The following FGGY variants were observed in gnomAD, a reference collection of about 807,000 sequenced individuals.
The protein encoded by FGGY is FGGY carbohydrate kinase domain-containing protein.
FGGY carries 72 observed loss-of-function variants against 71.3 expected under a neutral mutation model. The ratio of observed to expected loss-of-function variants is 1.01; its 90% CI spans 0.84 to 1.23. FGGY has a LOEUF of 1.23. Ranked by LOEUF, FGGY falls within the 50% of genes most tolerant of loss-of-function variation. The pLI is 0.00. For missense variants in FGGY, 668 were observed against 682.3 expected, an observed-to-expected ratio of 0.98 and a Z score of 0.23; for synonymous variants, 251 against 250.3, an observed-to-expected ratio of 1.00 and a Z score of -0.02.
chr1:59,391,912 C>T (rs1310898882), intron 5 of FGGY, among the ~76,000 whole-genome samples: 1 of 152,170 alleles, frequency 6.6e-6, no homozygotes, highest in African/African-American at 2.4e-5. Context: ...AGATATGATA[C>T]TATATTCTCT....
At chr1:59,568,494 C>T (rs1239047965) in intron 8 of FGGY, among the ~76,000 whole-genome samples, 7 of 151,790 alleles carry the variant, frequency 4.6e-5, no homozygotes, top group Admixed American at 3.9e-4. Context: ...GTATTACATC[C>T]CCCCAGTGTT....
chr1:59,603,168 A>G (rs185934385), intron 8 of FGGY, among the ~76,000 whole-genome samples: 1 of 152,328 alleles, frequency 6.6e-6, no homozygotes, highest in East Asian at 1.9e-4. Context: ...TTTAAGTGTA[A>G]GTTTTTAACT....
At chr1:59,738,557 T>A (rs1458383430) in intron 14 of FGGY, among the ~76,000 whole-genome samples, 1 of 152,136 alleles carries the variant, frequency 6.6e-6, no homozygotes, top group Admixed American at 6.5e-5. Context: ...AAAACAAAAC[T>A]AGAATAATCA....
At chr1:59,614,607 C>T (rs541951560) in intron 9 of FGGY, among the ~76,000 whole-genome samples, 2 of 152,272 alleles carry the variant, frequency 1.3e-5, no homozygotes, top group African/African-American at 4.8e-5. Context: ...GATGCCCTCT[C>T]TCACCACTGC....
chr1:59,694,182 G>C (rs546390571), intron 14 of FGGY, among the ~76,000 whole-genome samples: 1 of 151,468 alleles, frequency 6.6e-6, no homozygotes, highest in Non-Finnish European at 1.5e-5. Flanking sequence ...CCAGCTACTC[G>C]GGAGGCTGAG....
intron 4 of FGGY, among the ~76,000 whole-genome samples, chr1:59,364,237 C>G (rs2056170533): frequency 6.6e-6 from 1 of 152,186 alleles, no homozygotes. Flanking sequence ...TGGTGCTGCA[C>G]TGACCTGGGA....
At chr1:59,703,793 C>A (rs555596118) in intron 14 of FGGY, among the ~76,000 whole-genome samples, 1 of 152,276 alleles carries the variant, frequency 6.6e-6, no homozygotes, top group Non-Finnish European at 1.5e-5. Flanking sequence ...TTGCTTTCCC[C>A]TGAACACATA....
chr1:59,583,987 G>A (rs1558432754), intron 8 of FGGY, among the ~76,000 whole-genome samples: 1 of 115,468 alleles, frequency 8.7e-6, no homozygotes, highest in Non-Finnish European at 1.8e-5. Flanking sequence ...TACTCAGGTG[G>A]TTTAAAAGAC....
At chr1:59,657,251 A>G (rs528969839) in intron 11 of FGGY, among the ~76,000 whole-genome samples, 2 of 152,230 alleles carry the variant, frequency 1.3e-5, no homozygotes, top group Non-Finnish European at 2.9e-5. Flanking sequence ...CCCAACAAAA[A>G]TCATCCAAAT....
At chr1:59,758,992 A>C (rs2098318960) in intron 15 of FGGY, among the ~76,000 whole-genome samples, 1 of 152,158 alleles carries the variant, frequency 6.6e-6, no homozygotes, top group Admixed American at 6.5e-5. Context: ...CAGGGTAGAA[A>C]TAGAGGGTCC....
At chr1:59,552,619 C>T (rs964229567) in intron 7 of FGGY, among the ~76,000 whole-genome samples, 2 of 152,122 alleles carry the variant, frequency 1.3e-5, no homozygotes, top group African/African-American at 4.8e-5. Flanking sequence ...ACATTCCCAC[C>T]CTGCCGTTTA....
chr1:59,491,494 T>C (rs2093861645), intron 6 of FGGY, among the ~76,000 whole-genome samples: 1 of 152,046 alleles, frequency 6.6e-6, no homozygotes, highest in African/African-American at 2.4e-5. Flanking sequence ...GCCTTCTTGC[T>C]TTGTTTTTCA....
intron 10 of FGGY, among the ~76,000 whole-genome samples, chr1:59,629,827 C>A (rs983200613): frequency 6.6e-6 from 1 of 152,120 alleles, no homozygotes; most frequent in African/African-American, 2.4e-5. Context: ...GAGAATCAAC[C>A]CGAAACACCT....
At chr1:59,327,092 G>A (rs2047578926) in intron 2 of FGGY, among the ~76,000 whole-genome samples, 1 of 152,200 alleles carries the variant, frequency 6.6e-6, no homozygotes, top group Non-Finnish European at 1.5e-5. Context: ...GGTTGCTGAA[G>A]GTTAGGTGGC....
intron 6 of FGGY, among the ~76,000 whole-genome samples, chr1:59,466,248 AT>A (rs2092618838): frequency 6.6e-6 from 1 of 152,222 alleles, no homozygotes; most frequent in African/African-American, 2.4e-5. Context: ...AAAACAAGAA[AT>A]GGGGAAAGGA....
At chr1:59,456,916 T>C in intron 5 of FGGY, 45 bp from the exon 6 acceptor site, 1 of 1,405,662 alleles carries the variant, frequency 7.1e-7, no homozygotes, top group Non-Finnish European at 1.0e-6. Flanking sequence ...AAAGGAAGCC[T>C]CACTCATATG....
At chr1:59,538,884 T>C (rs1007032831) in intron 7 of FGGY, among the ~76,000 whole-genome samples, 1 of 148,656 alleles carries the variant, frequency 6.7e-6, no homozygotes, top group Non-Finnish European at 1.5e-5. Context: ...TTGGGAGATA[T>C]ACCTAATGCT....
chr1:59,493,460 A>G (rs2093941459), intron 6 of FGGY, among the ~76,000 whole-genome samples: 1 of 152,212 alleles, frequency 6.6e-6, no homozygotes, highest in Admixed American at 6.5e-5. Context: ...AGCATTAAAA[A>G]GGGAGGGAAT....
chr1:59,319,508 C>G (rs986112414), intron 1 of FGGY, among the ~76,000 whole-genome samples: 5 of 152,088 alleles, frequency 3.3e-5, no homozygotes, highest in Non-Finnish European at 7.4e-5. Flanking sequence ...TGTTGGCATC[C>G]TTTGTATGTA....
Sources: allele counts gnomAD v4.1 joint callset (sites outside exome capture counted in the v4.1 genomes callset), GRCh38; gene constraint gnomAD v4.1.1; transcripts MANE v1.5; gene names NCBI Gene and HGNC (gene_info 2026-07-23, HGNC 2026-07-21).